ITPR1: variants seen among roughly 807,000 people sequenced by gnomAD.
ITPR1 encodes inositol 1,4,5-trisphosphate receptor type 1, also known as inositol 1,4,5-trisphosphate-gated calcium channel ITPR1.
ITPR1 carries 96 observed loss-of-function variants against 318.4 expected under a neutral mutation model. The ratio of observed to expected loss-of-function variants is 0.30; its 90% confidence interval spans 0.26 to 0.36. The LOEUF is 0.36. ITPR1 is among the 10% of genes least tolerant of loss of function. ITPR1 has a pLI of 1.00. For synonymous variants in ITPR1, 1,312 were observed against 1,289.9 expected, an observed-to-expected ratio of 1.02 and a Z score of -0.37; for missense variants, 2,440 against 3,460.2, an observed-to-expected ratio of 0.71 and a Z score of 7.40.
In ITPR1 at chr3:4,493,601, C is replaced by G. The variant is rs962698876; in HGVS notation, c.-97C>G. On this transcript the variant is annotated 5_prime_UTR_variant, in exon 1 of 62. Transcript: ENST00000649015. Reference sequence around the variant, plus strand: ...CCAAACCGGCGTGGCTCCCCGGGCACCAAGGTAGCGGCTGGGGCCGGGCAG... The same window carrying G: ...CCAAACCGGCGTGGCTCCCCGGGCAGCAAGGTAGCGGCTGGGGCCGGGCAG... 1.3e-5 allele frequency: 2 copies of G among 152,688 alleles called. No individual in the cohort carries two copies. The highest frequency in any genetic ancestry group is 2.9e-5 in the Non-Finnish European group (2 of 68,140). The allele number at this position is 152,688 out of a possible 1,614,324, so 9.5% of individuals were successfully genotyped here. A position where few individuals can be genotyped will look rare whatever the true frequency, so the allele number is the denominator to read the frequency against.
intron 34 of ITPR1, among the ~76,000 whole-genome samples, chr3:4,697,761 A>T (rs922180896): frequency 1.3e-5 from 2 of 152,006 alleles, no homozygotes; most frequent in Non-Finnish European, 2.9e-5. Flanking sequence ...CATTCTTCCT[A>T]CCTTTTGCTC....
chr3:4,804,318 T>A (rs1347731433), intron 54 of ITPR1, among the ~76,000 whole-genome samples: 1 of 152,100 alleles, frequency 6.6e-6, no homozygotes, highest in Admixed American at 6.5e-5. Context: ...GGGAGAGTGG[T>A]GAGCAGGGTG....
intron 15 of ITPR1, 79 bp from the exon 16 acceptor site, chr3:4,662,986 C>G (rs900746526): frequency 1.5e-6 from 2 of 1,348,462 alleles, no homozygotes; most frequent in East Asian, 2.3e-5. Context: ...GCTCATTCGT[C>G]CAGAAGGCTT....
chr3:4,647,772 G>C (rs1189932248), intron 10 of ITPR1, among the ~76,000 whole-genome samples: 1 of 152,190 alleles, frequency 6.6e-6, no homozygotes, highest in African/African-American at 2.4e-5. Flanking sequence ...TTTGGCATCT[G>C]TGTAGCTTCT....
intron 4 of ITPR1, among the ~76,000 whole-genome samples, chr3:4,621,445 C>T (rs1461413482): frequency 6.6e-6 from 1 of 152,178 alleles, no homozygotes. Context: ...AATCCACCCC[C>T]ATGACCCAGT....
At chr3:4,697,448 T>C (rs2094578000) in intron 34 of ITPR1, among the ~76,000 whole-genome samples, 176 bp downstream of exon 34, 1 of 134,378 alleles carries the variant, frequency 7.4e-6, no homozygotes. Flanking sequence ...TCATGTATCC[T>C]TTCTTCCTTT....
At chr3:4,601,918 C>T (rs13317699) in intron 4 of ITPR1, among the ~76,000 whole-genome samples, 10,734 of 152,162 alleles carry the variant, frequency 0.071, 532 homozygotes, top group Non-Finnish European at 0.1. Context: ...CCAAAGAAAA[C>T]ATATAAATGG....
At chr3:4,493,886 CTTTTTTTTTT>C (rs71301158) in intron 1 of ITPR1, among the ~76,000 whole-genome samples, 1 of 125,622 alleles carries the variant, frequency 8.0e-6, no homozygotes, top group African/African-American at 3.0e-5. Flanking sequence ...GGAAATAGTT[CTTTTTTTTTT>C]TTTTTTTTTG....
In ITPR1 at chr3:4,733,124, T is replaced by C; in HGVS notation, c.5257T>C (p.Tyr1753His). Reference sequence around the variant, plus strand: ...CAGGCAAGTTCTGGTCAACCGTTACTATGGAAACGTCAGACCTTCGGGACG... The same window carrying C: ...CAGGCAAGTTCTGGTCAACCGTTACCATGGAAACGTCAGACCTTCGGGACG... Reference protein sequence around the residue: ...ALRQVLVNRYYGNVRPSGRRE... With the variant: ...ALRQVLVNRYHGNVRPSGRRE... The change falls in exon 43 of 62, where the codon TAT (tyrosine) becomes CAT (histidine). Residue 1753 changes from tyrosine (Y) to histidine (H), a missense_variant. Tyr to His is a moderately conservative substitution (Grantham distance 83, BLOSUM62 2). Transcript: ENST00000649015. The C allele has an allele frequency of 1.2e-6, 2 of 1,613,780 alleles. No individual in the cohort carries two copies. The highest frequency in any genetic ancestry group is 1.1e-5 in the South Asian group (1 of 91,012).
At chr3:4,535,809 C>T (rs1328431859) in intron 4 of ITPR1, among the ~76,000 whole-genome samples, 1 of 152,056 alleles carries the variant, frequency 6.6e-6, no homozygotes, top group Non-Finnish European at 1.5e-5. Context: ...ACTCTTGTTC[C>T]TTTGAATGCC....
chr3:4,620,238 A>G (rs1291740453), intron 4 of ITPR1, among the ~76,000 whole-genome samples: 3 of 152,014 alleles, frequency 2.0e-5, no homozygotes, highest in African/African-American at 7.3e-5. Context: ...CTTTACTTCT[A>G]TTTCTCCTCC....
intron 4 of ITPR1, among the ~76,000 whole-genome samples, chr3:4,562,783 G>A (rs778335728): frequency 3.3e-5 from 5 of 151,884 alleles, no homozygotes; most frequent in Admixed American, 6.5e-5. Flanking sequence ...GCTAAGCACT[G>A]GAGATAGTGT....
intron 4 of ITPR1, among the ~76,000 whole-genome samples, chr3:4,541,946 C>T (rs1035719950): frequency 6.6e-5 from 10 of 152,090 alleles, no homozygotes; most frequent in Admixed American, 2.6e-4. Context: ...TTTTTAATCT[C>T]GCCATCTTTT....
Position 4,676,736 on chromosome 3 carries a change from G to A in ITPR1, c.2902G>A (p.Ala968Thr), listed in dbSNP as rs1361203651. The change falls in exon 24 of 62, where the codon GCA (alanine) becomes ACA (threonine). Residue 968 changes from alanine to threonine, a missense_variant. Physicochemically the swap from Ala to Thr is moderately conservative, Grantham distance 58 (BLOSUM62 0). Coordinates refer to ENST00000649015, the MANE Select transcript of ITPR1 (RefSeq NM_001378452.1). ...TGCCCCTGAAGGCAATGTGAAGCAG[G>A]CAGAGCCTGAGAAGGAGGACATCAT... ...AAAPEGNVKQ[A>T]EPEKEDIMVM... The A allele has an allele frequency of 1.2e-6, 2 of 1,613,750 alleles. No individual in the cohort carries two copies. The highest frequency in any genetic ancestry group is 1.7e-5 in the Admixed American group (1 of 60,008).
chr3:4,563,092 C>A (rs2086848940), intron 4 of ITPR1, among the ~76,000 whole-genome samples: 1 of 152,116 alleles, frequency 6.6e-6, no homozygotes, highest in Non-Finnish European at 1.5e-5. Flanking sequence ...GCATCAGGAA[C>A]ACCAAGGGTA....
intron 60 of ITPR1, among the ~76,000 whole-genome samples, chr3:4,828,342 G>A (rs1177652638): frequency 6.6e-6 from 1 of 152,170 alleles, no homozygotes; most frequent in Non-Finnish European, 1.5e-5. Flanking sequence ...ATATTTCTTA[G>A]CTAATTGAAA....
Position 4,684,304 on chromosome 3 carries a change from G to C in ITPR1, c.3522G>C (p.Lys1174Asn), listed in dbSNP as rs771026165. The C allele has an allele frequency of 6.2e-7, 1 of 1,612,758 alleles. No homozygotes were observed. The highest frequency in any genetic ancestry group is 1.1e-5 in the South Asian group (1 of 90,746). ...KTEEGNNKPQ[K>N]HESTSSYNYR... ...AGGAGGGAAATAACAAGCCACAAAA[G>C]CATGAAAGCACCAGCAGCTACAACT... Residue 1174 changes from lysine to asparagine, a missense_variant, in exon 29 of 62, where the codon AAG becomes AAC. Lys to Asn is a moderately conservative substitution (Grantham distance 94). This residue lies in a region of ITPR1 where 86 missense variants were observed against 75.6 expected (regional missense o/e 1.14). Transcript: ENST00000649015.
chr3:4,701,909 T>C (rs1389155211), intron 35 of ITPR1, among the ~76,000 whole-genome samples: 1 of 152,204 alleles, frequency 6.6e-6, no homozygotes, highest in Non-Finnish European at 1.5e-5. Flanking sequence ...CCTGACGCTT[T>C]CCTTTTTCTT....
chr3:4,536,630 T>C (rs1034015504), intron 4 of ITPR1, among the ~76,000 whole-genome samples: 2 of 152,260 alleles, frequency 1.3e-5, no homozygotes, highest in African/African-American at 4.8e-5. Context: ...GATGAGCTTT[T>C]AGTCCCCTGA....
Sources: gnomAD v4.1 joint callset for allele counts (sites outside exome capture counted in the v4.1 genomes callset) on GRCh38, gnomAD v4.1.1 for gene constraint, gnomAD v4.1.1 regional missense constraint, MANE v1.5 for transcripts, NCBI Gene and HGNC (gene_info 2026-07-23, HGNC 2026-07-21) for gene names.